DGKI: variants seen among roughly 807,000 people sequenced by gnomAD.
The protein encoded by DGKI is diacylglycerol kinase iota, also known as DAG kinase iota.
Under a neutral mutation model 147.5 loss-of-function variants are expected in DGKI, and 55 were observed. That is an observed-to-expected ratio of 0.37 (90% CI 0.30 to 0.47). DGKI has a LOEUF of 0.47. DGKI is among the 20% of genes least tolerant of loss of function. The pLI, the probability that DGKI is intolerant of heterozygous loss-of-function variation, is 1.00. For synonymous variants in DGKI, 469 were observed against 477.1 expected, an observed-to-expected ratio of 0.98 and a Z score of 0.22; for missense variants, 1,007 against 1,323.8, an observed-to-expected ratio of 0.76 and a Z score of 3.71.
intron 28 of DGKI, among the ~76,000 whole-genome samples, chr7:137,422,550 C>A (rs1473608639): frequency 6.7e-6 from 1 of 149,400 alleles, no homozygotes; most frequent in Non-Finnish European, 1.5e-5. Flanking sequence ...TCAAAAAAAA[C>A]CAGGGAGGAG....
At chr7:137,499,701 T>C (rs983102211) in intron 21 of DGKI, among the ~76,000 whole-genome samples, 2 of 152,110 alleles carry the variant, frequency 1.3e-5, no homozygotes, top group Middle Eastern at 3.2e-3. Flanking sequence ...TACCACCAGC[T>C]CCCCTGGTTC....
In DGKI at chr7:137,691,798, G is replaced by GTTTTTTTTTTTTTTTTTTTTTT. The variant is rs796902464; in HGVS notation, c.402-1818_402-1797dup. Among the ~76,000 whole-genome samples, 35 of 95,804 alleles carry GTTTTTTTTTTTTTTTTTTTTTT rather than the reference G, an allele frequency of 3.7e-4. 1 individual carries two copies. Among genetic ancestry groups the GTTTTTTTTTTTTTTTTTTTTTT allele is most frequent in the Middle Eastern group, 6.8e-3 (1 of 146 alleles). The allele number at this position is 95,804 out of a possible 152,430, so 62.9% of individuals were successfully genotyped here. On this transcript the variant is annotated intron_variant, in intron 1 of 32. Transcript: ENST00000614521. ...GCTCAGCAAGTGTCTAGACCTTTGGGTTTTTTTTTTTTTTTTTTTTTTTAA... is the reference window on the plus strand; with the variant it reads ...GCTCAGCAAGTGTCTAGACCTTTGGGTTTTTTTTTTTTTTTTTTTTTTTTTTTTTTTTTTTTTTTTTTTTTAA...
intron 1 of DGKI, among the ~76,000 whole-genome samples, chr7:137,691,798 G>GTTTTTTTTTTTTTTTTTTTTTTTTTT (rs796902464): frequency 3.1e-5 from 3 of 95,814 alleles, no homozygotes; most frequent in East Asian, 3.4e-4. Context: ...AGACCTTTGG[G>GTTTTTTTTTTTTTTTTTTTTTTTTTT]TTTTTTTTTT....
chr7:137,725,436 T>C lies in DGKI; in HGVS notation c.402-35434A>G, dbSNP rs148540019. Among the ~76,000 whole-genome samples the C allele has an allele frequency of 3.3e-5, 5 of 152,264 alleles. No individual in the cohort carries two copies. The East Asian group carries it at 9.7e-4, about 29-fold the overall frequency. Reference sequence around the variant, plus strand: ...ATTTTTATGCCTCTACCATTCTCCCTTTGGTTTTCCTTATTATACCACTAT... The same window carrying C: ...ATTTTTATGCCTCTACCATTCTCCCCTTGGTTTTCCTTATTATACCACTAT... On this transcript the variant is annotated intron_variant, in intron 1 of 32. Transcript: ENST00000614521.
At chr7:137,724,807 C>T (rs935806604) in intron 1 of DGKI, among the ~76,000 whole-genome samples, 2 of 152,114 alleles carry the variant, frequency 1.3e-5, no homozygotes, top group Non-Finnish European at 2.9e-5. Context: ...TAGAGATGTA[C>T]ATTTGAACAT....
At chr7:137,640,055 C>A (rs1301303224) in intron 6 of DGKI, among the ~76,000 whole-genome samples, 1 of 151,320 alleles carries the variant, frequency 6.6e-6, no homozygotes, top group African/African-American at 2.4e-5. Flanking sequence ...ACAACCCTCT[C>A]AGGAAATTTT....
chr7:137,461,835 T>G (rs1358079871), intron 27 of DGKI, among the ~76,000 whole-genome samples: 2 of 152,124 alleles, frequency 1.3e-5, no homozygotes, highest in African/African-American at 4.8e-5. Context: ...TAGCTGTAAA[T>G]TGAAGATCAA....
intron 2 of DGKI, among the ~76,000 whole-genome samples, chr7:137,684,655 C>T (rs1026857585): frequency 2.0e-5 from 3 of 152,192 alleles, no homozygotes; most frequent in African/African-American, 4.8e-5. Flanking sequence ...AAATTAAGGT[C>T]GATTTGTCCC....
At chr7:137,508,446 T>C (rs1361791428) in intron 21 of DGKI, among the ~76,000 whole-genome samples, 1 of 152,056 alleles carries the variant, frequency 6.6e-6, no homozygotes, top group Non-Finnish European at 1.5e-5. Context: ...CAGGATGGTC[T>C]TGATCTCCTG....
chr7:137,492,921 C>T (rs1815821300), intron 21 of DGKI, among the ~76,000 whole-genome samples: 3 of 152,186 alleles, frequency 2.0e-5, no homozygotes, highest in African/African-American at 7.2e-5. Context: ...ATAGCTCCAG[C>T]CCAGTGGCCT....
In DGKI at chr7:137,390,093, T is replaced by C. The variant is rs3735026; in HGVS notation, c.*1127A>G. On this transcript the variant is annotated 3_prime_UTR_variant, in exon 33 of 33. Coordinates refer to ENST00000614521, the MANE Select transcript of DGKI (RefSeq NM_001321708.2). ...CCTCTCACCACTGTATCCAACAGTC[T>C]ATAGTTATTAGCCTCTGTGCAACAT... The C allele has an allele frequency of 0.28, 42,575 of 151,886 alleles. 6,978 individuals carry two copies. The highest frequency in any genetic ancestry group is 0.36 in the Admixed American group (5,428 of 15,280). 9.4% of individuals were successfully genotyped at this position (151,886 alleles called of 1,614,324 possible). A position where few individuals can be genotyped will look rare whatever the true frequency, so the allele number is the denominator to read the frequency against.
intron 30 of DGKI, among the ~76,000 whole-genome samples, chr7:137,406,359 A>G (rs879175170): frequency 2.0e-5 from 3 of 152,162 alleles, no homozygotes; most frequent in Admixed American, 2.0e-4. Context: ...GGAATGATAC[A>G]AGCCCCAGAC....
intron 1 of DGKI, among the ~76,000 whole-genome samples, chr7:137,784,452 C>T (rs1005496600): frequency 2.0e-5 from 3 of 152,248 alleles, no homozygotes; most frequent in African/African-American, 7.2e-5. Flanking sequence ...GCACCTAACA[C>T]TGGAGCTCCC....
At chr7:137,777,308 A>G (rs1364519888) in intron 1 of DGKI, among the ~76,000 whole-genome samples, 4 of 152,240 alleles carry the variant, frequency 2.6e-5, no homozygotes, top group Non-Finnish European at 5.9e-5. Flanking sequence ...CACCAACAAT[A>G]ACTTACATGG....
At chr7:137,534,585 T>C (rs1389256300) in intron 20 of DGKI, among the ~76,000 whole-genome samples, 1 of 152,070 alleles carries the variant, frequency 6.6e-6, no homozygotes, top group Non-Finnish European at 1.5e-5. Flanking sequence ...ATTGTATCTA[T>C]ATAATTAATA....
chr7:137,771,337 C>T (rs548066577), intron 1 of DGKI, among the ~76,000 whole-genome samples: 7 of 152,256 alleles, frequency 4.6e-5, no homozygotes, highest in African/African-American at 1.4e-4. Flanking sequence ...GTGATCCACC[C>T]GCTTCAGCCT....
intron 18 of DGKI, among the ~76,000 whole-genome samples, chr7:137,571,765 A>G (rs1306944430): frequency 1.3e-5 from 2 of 152,176 alleles, no homozygotes; most frequent in African/African-American, 4.8e-5. Flanking sequence ...TGAAATATAG[A>G]TAAGAGATTA....
At chr7:137,780,684 A>T (rs753833031) in intron 1 of DGKI, among the ~76,000 whole-genome samples, 2 of 152,244 alleles carry the variant, frequency 1.3e-5, no homozygotes, top group African/African-American at 2.4e-5. Flanking sequence ...CTCACATAAC[A>T]TGATGTTTCA....
intron 1 of DGKI, among the ~76,000 whole-genome samples, chr7:137,780,100 G>C (rs1252082167): frequency 6.6e-6 from 1 of 152,174 alleles, no homozygotes; most frequent in Admixed American, 6.5e-5. Context: ...TAGTAGTCCT[G>C]TATTCTTACA....
Sources: gnomAD v4.1 joint callset for allele counts (sites outside exome capture counted in the v4.1 genomes callset) on GRCh38, gnomAD v4.1.1 for gene constraint, MANE v1.5 for transcripts, NCBI Gene and HGNC (gene_info 2026-07-23, HGNC 2026-07-21) for gene names.